The following ASIC1 variants were observed in gnomAD, a reference collection of about 807,000 sequenced individuals.
ASIC1 encodes acid-sensing ion channel 1.
A neutral mutation model predicts 63.4 loss-of-function variants in ASIC1; 21 were observed. The ratio of observed to expected loss-of-function variants is 0.33; its 90% CI spans 0.23 to 0.48. ASIC1 has a LOEUF of 0.48. Among genes scored for constraint, ASIC1 ranks in the 20% least tolerant of loss-of-function variants. The probability of loss-of-function intolerance (pLI) is 0.99; values close to 1 mark genes in which losing one functional copy is unlikely to be tolerated. For missense variants in ASIC1, 478 were observed against 695.5 expected (o/e 0.69, Z 3.52); for synonymous variants, 258 against 278.2 (o/e 0.93, Z 0.72).
At chr12:50,070,118 C>T (rs1428647741) in intron 3 of ASIC1, among the ~76,000 whole-genome samples, 1 of 152,224 alleles carries the variant, frequency 6.6e-6, no homozygotes, top group East Asian at 1.9e-4. Context: ...GCACACACTG[C>T]TAAAGAGAAG....
Position 50,077,295 on chromosome 12 carries a change from C to A in ASIC1, c.641C>A (p.Thr214Lys), listed in dbSNP as rs373616682. The A allele has an allele frequency of 1.7e-5, 28 of 1,614,122 alleles. No individual in the cohort carries two copies. In the Admixed American group the frequency reaches 4.2e-4, roughly 24 times the overall value. ...RPRLKTMKGG[T>K]GNGLEIMLDI... ...CGGCTGAAGACCATGAAGGGTGGGACGGGCAATGGGCTGGAAATCATGCTG... is the reference window on the plus strand; with the variant it reads ...CGGCTGAAGACCATGAAGGGTGGGAAGGGCAATGGGCTGGAAATCATGCTG... Residue 214 changes from threonine to lysine, a missense_variant, in exon 4 of 12, where the codon ACG (threonine) becomes AAG (lysine). Transcript: ENST00000447966.
At chr12:50,073,561 G>A in intron 3 of ASIC1, 1 of 1,481,902 alleles carries the variant, frequency 6.7e-7, no homozygotes, top group East Asian at 2.5e-5. Flanking sequence ...GCAAATCCCT[G>A]GCACCAGGAA....
chr12:50,059,166 A>G lies in ASIC1; in HGVS notation c.362+38A>G. On this transcript the variant is annotated intron_variant, in intron 2 of 11. Transcript: ENST00000447966. The surrounding 1 kb of genome is among the most constrained non-coding windows in gnomAD (Gnocchi z 4.6). The stretch of plus-strand genomic sequence containing the variant: ...CACCCTCCCTCAGCCCTGCTCCTGG[A>G]GTTGCTTGAGTTCCAGTCAGGATGT... 6.3e-7 allele frequency: 1 copy of G among 1,598,126 alleles called. No homozygotes were observed. The highest frequency in any genetic ancestry group is 8.5e-7 in the Non-Finnish European group (1 of 1,173,132).
chr12:50,067,989 C>T (rs892094291), intron 3 of ASIC1, among the ~76,000 whole-genome samples: 1 of 152,140 alleles, frequency 6.6e-6, no homozygotes, highest in African/African-American at 2.4e-5. Flanking sequence ...TCCAGTACCC[C>T]AGAAAGTTCC....
chr12:50,069,858 C>G (rs1950582030), intron 3 of ASIC1, among the ~76,000 whole-genome samples: 1 of 152,102 alleles, frequency 6.6e-6, no homozygotes, highest in Admixed American at 6.5e-5. Context: ...AATGAAGAAG[C>G]AAGGGATTTG....
At position 50,082,021 on chromosome 12, in the gene ASIC1, G is replaced by T. The variant is rs1950726161; in HGVS notation, c.*372G>T. The T allele has an allele frequency of 8.3e-6, 2 of 239,626 alleles. No homozygotes were observed. Among genetic ancestry groups the T allele is most frequent in the Non-Finnish European group, 1.6e-5 (2 of 122,556 alleles). 14.8% of individuals were successfully genotyped at this position (239,626 alleles called of 1,614,324 possible). A position where few individuals can be genotyped will look rare whatever the true frequency, so the allele number is the denominator to read the frequency against. On this transcript the variant is annotated 3_prime_UTR_variant, in exon 12 of 12. Transcript: ENST00000447966. ...CCAGTCACCAAAGGCCCTTCCCAGTGAGGGGTGGAAGGGATCTCTGGGGTC... is the reference window on the plus strand; with the variant it reads ...CCAGTCACCAAAGGCCCTTCCCAGTTAGGGGTGGAAGGGATCTCTGGGGTC...
In ASIC1 at chr12:50,081,131, A is replaced by G; in HGVS notation, c.1327A>G (p.Ile443Val). 2 of 1,611,616 alleles carry G rather than the reference A, an allele frequency of 1.2e-6. No homozygotes were observed. The highest frequency in any genetic ancestry group is 8.5e-7 in the Non-Finnish European group (1 of 1,179,168). The part of the protein sequence containing the change: ...GDIGGQMGLF[I>V]GASILTVLEL... ...CATCGGGGGCCAGATGGGGCTGTTCATCGGGGCCAGCATCCTCACGGTGCT... is the reference window on the plus strand; with the variant it reads ...CATCGGGGGCCAGATGGGGCTGTTCGTCGGGGCCAGCATCCTCACGGTGCT... Residue 443 changes from isoleucine (I) to valine (V), a missense_variant, in exon 10 of 12, where the codon ATC becomes GTC. Around this residue, in one of 3 missense-constraint regions of ASIC1, gnomAD observed 84 missense variants for 183.5 expected, o/e 0.46. Coordinates refer to ENST00000447966, the MANE Select transcript of ASIC1 (RefSeq NM_001095.4).
At chr12:50,069,342 G>A (rs1950577104) in intron 3 of ASIC1, among the ~76,000 whole-genome samples, 1 of 151,512 alleles carries the variant, frequency 6.6e-6, no homozygotes, top group South Asian at 2.1e-4. Context: ...TGCCTGGGCT[G>A]GAGTGCAGTG....
intron 3 of ASIC1, among the ~76,000 whole-genome samples, chr12:50,073,182 CCGT>C (rs1426951321): frequency 6.6e-6 from 1 of 152,032 alleles, no homozygotes; most frequent in African/African-American, 2.4e-5. Flanking sequence ...GTGCTAGGTC[CCGT>C]CTCACCTGGG....
At chr12:50,065,268 C>A (rs745726872) in intron 3 of ASIC1, among the ~76,000 whole-genome samples, 1 of 152,096 alleles carries the variant, frequency 6.6e-6, no homozygotes, top group African/African-American at 2.4e-5. Flanking sequence ...CAGTCAGGAC[C>A]CTTAGGTGTG....
chr12:50,081,719 TCCTCA>T lies in ASIC1; in HGVS notation c.*72_*76del. The T allele has an allele frequency of 7.2e-7, 1 of 1,392,070 alleles. No homozygotes were observed. The allele number at this position is 1,392,070 out of a possible 1,614,324, so 86.2% of individuals were successfully genotyped here. ...GAGAGCGAGGGGGCCCCCAGCTGCC[TCCTCA>T]CATCTGCCCTGGGGACTCCCCACAC... On this transcript the variant is annotated 3_prime_UTR_variant, in exon 12 of 12. Transcript: ENST00000447966.
intron 3 of ASIC1, 163 bp from the exon 4 acceptor site, chr12:50,077,050 G>C (rs756932152): frequency 8.4e-7 from 1 of 1,186,244 alleles, no homozygotes. Flanking sequence ...GCAAGAAAGG[G>C]TGAGAAACAG....
chr12:50,074,947 C>T lies in ASIC1; in HGVS notation c.559-2266C>T, dbSNP rs1950639823. ...CAGGTCTCTAAATCATATCCCTCTCCCCAGCTTTAAGTGGCCAGGGACCCT... is the reference window on the plus strand; with the variant it reads ...CAGGTCTCTAAATCATATCCCTCTCTCCAGCTTTAAGTGGCCAGGGACCCT... On this transcript the variant is annotated intron_variant, in intron 3 of 11. Coordinates refer to ENST00000447966, the MANE Select transcript of ASIC1 (RefSeq NM_001095.4). The surrounding 1 kb of genome is among the most constrained non-coding windows in gnomAD (Gnocchi z 4.2). Among the ~76,000 whole-genome samples the T allele has an allele frequency of 6.6e-6, 1 of 151,304 alleles. No individual in the cohort carries two copies. Among genetic ancestry groups the T allele is most frequent in the African/African-American group, 2.4e-5 (1 of 40,932 alleles).
At chr12:50,067,582 G>T (rs1257520224) in intron 3 of ASIC1, among the ~76,000 whole-genome samples, 2 of 151,846 alleles carry the variant, frequency 1.3e-5, no homozygotes, top group Non-Finnish European at 1.5e-5. Flanking sequence ...CTATTTTTTT[G>T]TTGTTGTTGT....
intron 3 of ASIC1, chr12:50,073,587 G>A: frequency 2.6e-6 from 4 of 1,515,944 alleles, no homozygotes; most frequent in Non-Finnish European, 1.8e-6. Flanking sequence ...TGGAGAAAAT[G>A]CCCATCCAGA....
chr12:50,070,223 C>T (rs1950585422), intron 3 of ASIC1, among the ~76,000 whole-genome samples: 1 of 152,130 alleles, frequency 6.6e-6, no homozygotes, highest in South Asian at 2.1e-4. Flanking sequence ...CAGGGGCCCT[C>T]TGTGTATGCC....
At chr12:50,064,815 G>C (rs1183777937) in intron 3 of ASIC1, among the ~76,000 whole-genome samples, 1 of 152,208 alleles carries the variant, frequency 6.6e-6, no homozygotes, top group Non-Finnish European at 1.5e-5. Context: ...AGAATATTCA[G>C]AATGAGAAGC....
intron 3 of ASIC1, chr12:50,073,512 C>T (rs1484467790): frequency 3.5e-6 from 5 of 1,442,610 alleles, no homozygotes; most frequent in South Asian, 1.5e-5. Context: ...TGCCTGGAGT[C>T]ACATCGCCTT....
chr12:50,070,164 G>A (rs1225125808), intron 3 of ASIC1, among the ~76,000 whole-genome samples: 1 of 152,176 alleles, frequency 6.6e-6, no homozygotes, highest in Non-Finnish European at 1.5e-5. Context: ...TGGACAGAGG[G>A]TTCAGGACTG....
Sources: gnomAD v4.1 joint callset for allele counts (sites outside exome capture counted in the v4.1 genomes callset) on GRCh38, gnomAD v4.1.1 for gene constraint, gnomAD v4.1.1 regional missense constraint, Gnocchi (gnomAD v3.1) non-coding constraint, MANE v1.5 for transcripts, NCBI Gene and HGNC (gene_info 2026-07-23, HGNC 2026-07-21) for gene names.